Variants in TPH1 observed in about 807,000 individuals in gnomAD.
The protein encoded by TPH1 is tryptophan 5-hydroxylase 1.
Under a neutral mutation model 49.5 loss-of-function variants are expected in TPH1, and 37 were observed. That is an observed-to-expected ratio of 0.75 (90% CI 0.58 to 0.98). The LOEUF is 0.98. Ranked by LOEUF, TPH1 falls within the 50% of genes least tolerant of loss-of-function variation. TPH1 has a pLI of 0.00. For synonymous variants in TPH1, 160 were observed against 182.1 expected (o/e 0.88, Z 0.98); for missense variants, 487 against 523.6 (o/e 0.93, Z 0.68).
chr11:18,034,648 T>C (rs1407963893), intron 3 of TPH1, among the ~76,000 whole-genome samples: 2 of 152,204 alleles, frequency 1.3e-5, no homozygotes, highest in Non-Finnish European at 1.5e-5. Flanking sequence ...ACATAGCAGA[T>C]GAATAGCAGT....
intron 1 of TPH1, 72 bp from the exon 2 acceptor site, chr11:18,040,860 G>T: frequency 7.1e-7 from 1 of 1,407,114 alleles, no homozygotes; most frequent in Non-Finnish European, 9.8e-7. Flanking sequence ...GATAACTAAG[G>T]GCTCATTTAC....
rs1007050548 is a variant in TPH1 at position 18,042,544 on chromosome 11, T to C, written c.-26-1756A>G. Reference sequence around the variant, plus strand: ...TATAATCTTTATATGTATCAACCTCTTTATTTGCAAACTTGGAGGGAGGAT... The same window carrying C: ...TATAATCTTTATATGTATCAACCTCCTTATTTGCAAACTTGGAGGGAGGAT... On this transcript the variant is annotated intron_variant, in intron 1 of 10. Transcript: ENST00000682019. 2.6e-5 allele frequency: 7 copies of C among 269,810 alleles called. No homozygotes were observed. In the Admixed American group the frequency reaches 3.5e-4, roughly 13 times the overall value. 16.7% of individuals were successfully genotyped at this position (269,810 alleles called of 1,614,324 possible).
chr11:18,032,537 CTTTTTTTTTTT>C (rs34366393), intron 4 of TPH1, among the ~76,000 whole-genome samples: 1 of 86,304 alleles, frequency 1.2e-5, no homozygotes, highest in Non-Finnish European at 2.1e-5. Context: ...TTGTTGAAAT[CTTTTTTTTTTT>C]TTTTTTTTTT....
intron 9 of TPH1, chr11:18,023,216 T>C: frequency 5.1e-6 from 2 of 390,802 alleles, no homozygotes; most frequent in Non-Finnish European, 9.6e-6. Context: ...TCCTGTATTA[T>C]GGCACCTACT....
intron 2 of TPH1, among the ~76,000 whole-genome samples, chr11:18,036,479 T>C (rs211106): frequency 0.32 from 48,789 of 152,092 alleles, 9,420 homozygotes; most frequent in East Asian, 0.51. Flanking sequence ...TAAAAGCTAG[T>C]TTTCAAAAAG....
chr11:18,029,081 C>CAAAAAAA (rs368358256), intron 6 of TPH1, 84 bp downstream of exon 6: 150 of 540,528 alleles, frequency 2.8e-4, no homozygotes, highest in African/African-American at 1.6e-3. Flanking sequence ...GACTCTGTCT[C>CAAAAAAA]AAAAAAAAAA....
chr11:18,018,276 T>G lies in TPH1; in HGVS notation c.*2715A>C, dbSNP rs1476502560. The G allele has an allele frequency of 1.3e-5, 2 of 152,066 alleles. No individual in the cohort carries two copies. Among genetic ancestry groups the G allele is most frequent in the Non-Finnish European group, 2.9e-5 (2 of 68,008 alleles). 9.4% of individuals were successfully genotyped at this position (152,066 alleles called of 1,614,324 possible). On this transcript the variant is annotated 3_prime_UTR_variant, in exon 11 of 11. Transcript: ENST00000682019. ...TCCTAGGTGCTTTGAAGACATATATTTAAAATGCATGAAAATTCTAAGACT... is the reference window on the plus strand; with the variant it reads ...TCCTAGGTGCTTTGAAGACATATATGTAAAATGCATGAAAATTCTAAGACT...
In TPH1 at chr11:18,029,361, A is replaced by G; in HGVS notation, c.471T>C (p.His157=). 6.2e-7 allele frequency: 1 copy of G among 1,613,464 alleles called. No individual in the cohort carries two copies. The highest frequency in any genetic ancestry group is 2.2e-5 in the East Asian group (1 of 44,872). The stretch of plus-strand genomic sequence containing the variant: ...ATTCAACCTTTGGAATGGGGTCTCC[A>G]CTAATGAGATAAAGGGAAGGAGTTG... ...YFADLAMNYK[H]GDPIPKVEFT... The change falls in exon 6 of 11, where the codon CAT becomes CAC. Residue 157 remains histidine (H), a splice_region_variant and synonymous_variant. Transcript: ENST00000682019.
intron 3 of TPH1, 49 bp from the exon 4 acceptor site, chr11:18,033,423 G>A (rs1289136737): frequency 7.4e-7 from 1 of 1,357,208 alleles, no homozygotes; most frequent in Non-Finnish European, 1.0e-6. Flanking sequence ...AAGTTGAAGA[G>A]ATAATCTTAA....
At chr11:18,025,770 A>C in intron 7 of TPH1, 69 bp from the exon 8 acceptor site, 2 of 1,588,084 alleles carry the variant, frequency 1.3e-6, no homozygotes, top group Non-Finnish European at 8.6e-7. Flanking sequence ...CATTCAATCA[A>C]ATCGAAATCC....
In TPH1 at chr11:18,017,920, A is replaced by T. The variant is rs1854312924; in HGVS notation, c.*3071T>A. The T allele has an allele frequency of 6.6e-6, 1 of 152,216 alleles. No homozygotes were observed. The highest frequency in any genetic ancestry group is 2.1e-4 in the South Asian group (1 of 4,830). The allele number at this position is 152,216 out of a possible 1,614,324, so 9.4% of individuals were successfully genotyped here. ...ATATTAACTATGTCTTTGAATAATG[A>T]TTTACTGATTAAGAATTATTAACCG... On this transcript the variant is annotated 3_prime_UTR_variant, in exon 11 of 11. Coordinates refer to ENST00000682019, the MANE Select transcript of TPH1 (RefSeq NM_004179.3).
intron 6 of TPH1, among the ~76,000 whole-genome samples, chr11:18,027,060 T>C (rs1318679275): frequency 6.6e-6 from 1 of 152,254 alleles, no homozygotes; most frequent in Admixed American, 6.5e-5. Context: ...GATGTATTCA[T>C]TTAAATCAGA....
intron 1 of TPH1, among the ~76,000 whole-genome samples, chr11:18,042,891 T>C (rs180995122): frequency 6.8e-4 from 103 of 152,384 alleles, no homozygotes; most frequent in African/African-American, 2.4e-3. Flanking sequence ...TGATATAAAA[T>C]GTCAGTATTG....
At chr11:18,023,291 G>A (rs1282714531) in intron 9 of TPH1, 1 of 232,316 alleles carries the variant, frequency 4.3e-6, no homozygotes, top group African/African-American at 2.3e-5. Flanking sequence ...CTCCCTGAAA[G>A]CAAGACAGTA....
At chr11:18,045,714 G>C (rs1848134840) in intron 1 of TPH1, among the ~76,000 whole-genome samples, 2 of 152,208 alleles carry the variant, frequency 1.3e-5, no homozygotes, top group African/African-American at 4.8e-5. Context: ...TCAGTCGTCT[G>C]TTGGGATGGT....
At position 18,044,569 on chromosome 11, in the gene TPH1, G is replaced by A. The variant is rs548807211; in HGVS notation, c.-27+1672C>T. On this transcript the variant is annotated intron_variant, in intron 1 of 10. Coordinates refer to ENST00000682019, the MANE Select transcript of TPH1 (RefSeq NM_004179.3). The stretch of plus-strand genomic sequence containing the variant: ...CCCCCCACCCCAAAATAATCTTACA[G>A]GACATAGATCTTTGATCGTTACTAA... 3.4e-3 allele frequency among the ~76,000 whole-genome samples: 506 copies of A among 150,760 alleles called. 2 individuals are homozygous for A. The highest frequency in any genetic ancestry group is 0.012 in the African/African-American group (482 of 40,956).
At position 18,040,703 on chromosome 11, in the gene TPH1, G is replaced by A. The variant is rs1346563455; in HGVS notation, c.60C>T (p.Leu20=). The change falls in exon 2 of 11, where the codon CTC becomes CTT. Residue 20 remains leucine (L), a synonymous_variant. Transcript: ENST00000682019. Reference sequence around the variant, plus strand: ...CAACTTCATTCTTTAAGGAAAAAATGAGACTTGCTCTTCCCCTTTCTAAGG... The same window carrying A: ...CAACTTCATTCTTTAAGGAAAAAATAAGACTTGCTCTTCCCCTTTCTAAGG... ...DHSLERGRAS[L]IFSLKNEVGG... 4 of 1,612,508 alleles carry A rather than the reference G, an allele frequency of 2.5e-6. No individual in the cohort carries two copies. Among genetic ancestry groups the A allele is most frequent in the African/African-American group, 1.3e-5 (1 of 74,956 alleles).
rs1847922813 is a variant in TPH1, at chr11:18,025,688, C to T, written c.817G>A (p.Glu273Lys). 1 of 1,613,812 alleles carries T rather than the reference C, an allele frequency of 6.2e-7. No homozygotes were observed. Among genetic ancestry groups the T allele is most frequent in the Admixed American group, 1.7e-5 (1 of 59,994 alleles). ...AAAAGCGGGACATGACCTAAGAGTT[C>T]ATGGCAGGTATCTCTGAAAGAGAGG... ...FYTPEPDTCHELLGHVPLLAE... is the reference protein window; with the variant it reads ...FYTPEPDTCHKLLGHVPLLAE... The change falls in exon 8 of 11, where the codon GAA becomes AAA. Residue 273 changes from glutamate (E) to lysine (K), a missense_variant. Physicochemically the swap from Glu to Lys is moderately conservative, Grantham distance 56. Coordinates refer to ENST00000682019, the MANE Select transcript of TPH1 (RefSeq NM_004179.3).
intron 1 of TPH1, among the ~76,000 whole-genome samples, chr11:18,044,396 C>T (rs1349203274): frequency 6.6e-6 from 1 of 151,976 alleles, no homozygotes; most frequent in Admixed American, 6.6e-5. Context: ...CACTCCAGCC[C>T]AGGTGACAGA....
Sources: gnomAD v4.1 joint callset for allele counts (sites outside exome capture counted in the v4.1 genomes callset) on GRCh38, gnomAD v4.1.1 for gene constraint, MANE v1.5 for transcripts, NCBI Gene and HGNC (gene_info 2026-07-23, HGNC 2026-07-21) for gene names.